The following CDK14 variants were observed in gnomAD, a reference collection of about 807,000 sequenced individuals.
CDK14 encodes the protein cyclin-dependent kinase 14.
A neutral mutation model predicts 60.7 loss-of-function variants in CDK14; 34 were observed. The ratio of observed to expected loss-of-function variants is 0.56; its 90% CI spans 0.43 to 0.75. The LOEUF (loss-of-function observed/expected upper bound fraction) is 0.75, where lower values mean the gene tolerates loss of function less well. Among genes scored for constraint, CDK14 ranks in the 30% least tolerant of loss-of-function variants. The pLI is 0.00. For missense variants in CDK14, 482 were observed against 564.1 expected (o/e 0.85, Z 1.47); for synonymous variants, 197 against 203.7 (o/e 0.97, Z 0.28).
At chr7:90,744,539 C>T (rs1803496416) in intron 3 of CDK14, among the ~76,000 whole-genome samples, 1 of 152,244 alleles carries the variant, frequency 6.6e-6, no homozygotes, top group African/African-American at 2.4e-5. Context: ...ACCTCCCAGA[C>T]AGGGTCATGG....
intron 5 of CDK14, among the ~76,000 whole-genome samples, chr7:90,802,676 T>C (rs968783485): frequency 1.3e-5 from 2 of 152,156 alleles, no homozygotes; most frequent in Admixed American, 1.3e-4. Context: ...AAAATACGAC[T>C]CAACTTACAG....
rs542118252 is a variant in CDK14 at position 91,120,972 on chromosome 7, T to A, written c.*28+2764T>A. 1.4e-4 allele frequency among the ~76,000 whole-genome samples: 21 copies of A among 152,316 alleles called. No homozygotes were observed. In the South Asian group the frequency reaches 4.4e-3, roughly 32 times the overall value. On this transcript the variant is annotated intron_variant, in intron 14 of 14. Transcript: ENST00000380050. ...GAAGATGGATTCTAAGAGTTTTCTG[T>A]CAGTCAGCAGAAAAAGAAATTATTT...
intron 13 of CDK14, among the ~76,000 whole-genome samples, chr7:91,116,782 G>A (rs777235920): frequency 1.7e-4 from 26 of 151,770 alleles, no homozygotes; most frequent in African/African-American, 4.8e-4. Context: ...TACTTCTTTC[G>A]CTTGGTTTCC....
chr7:90,787,335 G>A (rs1348333969), intron 4 of CDK14, among the ~76,000 whole-genome samples: 3 of 28,628 alleles, frequency 1.0e-4, no homozygotes, highest in African/African-American at 6.2e-4. Flanking sequence ...AAATTCTTAA[G>A]GAATATAAAA....
intron 6 of CDK14, 49 bp downstream of exon 6, chr7:90,863,318 A>ATTC: frequency 8.9e-7 from 1 of 1,125,716 alleles, no homozygotes; most frequent in Non-Finnish European, 1.3e-6. Flanking sequence ...TATGAATGAA[A>ATTC]TTCTTATAGT....
Position 90,750,184 on chromosome 7 carries a change from AC to A in CDK14, c.464+2410del, listed in dbSNP as rs1480828178. Among the ~76,000 whole-genome samples the A allele has an allele frequency of 8.6e-4, 130 of 151,914 alleles. 3 individuals carry two copies. The highest frequency in any genetic ancestry group is 2.8e-3 in the African/African-American group (115 of 41,434). On this transcript the variant is annotated intron_variant, in intron 4 of 14. Coordinates refer to ENST00000380050, the MANE Select transcript of CDK14 (RefSeq NM_001287135.2). ...CACACACACACACACACACACACAC[AC>A]ACACACACACACACACCAATAATAT...
intron 2 of CDK14, among the ~76,000 whole-genome samples, chr7:90,636,979 T>C (rs1220947707): frequency 2.6e-5 from 4 of 151,826 alleles, no homozygotes; most frequent in Non-Finnish European, 5.9e-5. Flanking sequence ...TCGGTGGTGA[T>C]ATCCCCTTTA....
At chr7:91,133,028 T>A (rs1241761383) in intron 14 of CDK14, among the ~76,000 whole-genome samples, 1 of 152,170 alleles carries the variant, frequency 6.6e-6, no homozygotes, top group East Asian at 1.9e-4. Flanking sequence ...ATTTTGTGAA[T>A]ATATAATATT....
At chr7:91,015,788 T>C (rs868160993) in intron 10 of CDK14, among the ~76,000 whole-genome samples, 4 of 150,060 alleles carry the variant, frequency 2.7e-5, no homozygotes, top group African/African-American at 4.9e-5. Context: ...TGTGTTTATA[T>C]ACCAAAAAAA....
chr7:90,975,786 C>T (rs78089047), intron 9 of CDK14, among the ~76,000 whole-genome samples: 1 of 152,086 alleles, frequency 6.6e-6, no homozygotes, highest in Admixed American at 6.6e-5. Flanking sequence ...TGAGAACATG[C>T]GGTGTTTAAC....
At chr7:90,688,370 G>A (rs909130516) in intron 2 of CDK14, among the ~76,000 whole-genome samples, 4 of 152,152 alleles carry the variant, frequency 2.6e-5, no homozygotes, top group Non-Finnish European at 4.4e-5. Flanking sequence ...GTCATCTTAC[G>A]ATCATATTGA....
At chr7:90,921,260 G>A (rs1793241045) in intron 8 of CDK14, among the ~76,000 whole-genome samples, 3 of 152,086 alleles carry the variant, frequency 2.0e-5, no homozygotes, top group Admixed American at 2.0e-4. Flanking sequence ...GAGGCTTTCA[G>A]TTTGCCTTTC....
chr7:90,629,969 G>A (rs149744546), intron 2 of CDK14, among the ~76,000 whole-genome samples: 2,106 of 152,216 alleles, frequency 0.014, 64 homozygotes, highest in African/African-American at 0.046. Context: ...AGAGGTTGCA[G>A]TGAGCCAAGA....
chr7:91,201,335 C>T (rs1373445570), intron 14 of CDK14, among the ~76,000 whole-genome samples: 7 of 152,100 alleles, frequency 4.6e-5, no homozygotes, highest in Admixed American at 6.5e-5. Context: ...TAGAAATGAG[C>T]GGATTACCTC....
intron 2 of CDK14, among the ~76,000 whole-genome samples, chr7:90,685,702 C>G (rs1013280463): frequency 3.0e-5 from 4 of 134,600 alleles, no homozygotes; most frequent in Non-Finnish European, 6.2e-5. Context: ...GCTTTGTTGC[C>G]CAGTCTGCCC....
intron 8 of CDK14, among the ~76,000 whole-genome samples, chr7:90,947,249 C>A (rs1450229873): frequency 1.1e-4 from 17 of 152,148 alleles, no homozygotes; most frequent in Admixed American, 1.1e-3. Context: ...CAACCTTATC[C>A]CTTTCAGTCT....
At chr7:90,612,489 A>G (rs528057457) in intron 2 of CDK14, among the ~76,000 whole-genome samples, 1 of 152,264 alleles carries the variant, frequency 6.6e-6, no homozygotes, top group Non-Finnish European at 1.5e-5. Flanking sequence ...AAGATTTTAT[A>G]GGCCAGGCAC....
intron 4 of CDK14, among the ~76,000 whole-genome samples, chr7:90,788,187 C>G (rs1319595825): frequency 6.6e-6 from 1 of 152,102 alleles, no homozygotes; most frequent in African/African-American, 2.4e-5. Flanking sequence ...GGGAAAATAT[C>G]TGTAAATGAG....
At chr7:91,099,467 C>T (rs1799096493) in intron 12 of CDK14, among the ~76,000 whole-genome samples, 2 of 152,100 alleles carry the variant, frequency 1.3e-5, no homozygotes, top group South Asian at 2.1e-4. Flanking sequence ...ATTGGGTAAT[C>T]TTTATTCTCC....
Sources: allele counts gnomAD v4.1 joint callset (sites outside exome capture counted in the v4.1 genomes callset), GRCh38; gene constraint gnomAD v4.1.1; transcripts MANE v1.5; gene names NCBI Gene and HGNC (gene_info 2026-07-23, HGNC 2026-07-21).